The following XRRA1 variants were observed in gnomAD, a reference collection of about 807,000 sequenced individuals.
XRRA1 encodes X-ray radiation resistance associated 1, also known as X-ray radiation resistance-associated protein 1.
XRRA1 carries 69 observed loss-of-function variants against 80.2 expected under a neutral mutation model. That is an observed-to-expected ratio of 0.86 (90% CI 0.71 to 1.05). The LOEUF (loss-of-function observed/expected upper bound fraction) is 1.05. XRRA1 is among the 50% of genes least tolerant of loss of function. The pLI, the probability that XRRA1 is intolerant of heterozygous loss-of-function variation, is 0.00. For synonymous variants in XRRA1, 348 were observed against 389.9 expected (o/e 0.89, Z 1.27); for missense variants, 967 against 976.4 (o/e 0.99, Z 0.13).
intron 8 of XRRA1, among the ~76,000 whole-genome samples, chr11:74,920,422 T>C (rs903606113): frequency 6.6e-6 from 1 of 152,212 alleles, no homozygotes; most frequent in African/African-American, 2.4e-5. Context: ...CACAATAGAA[T>C]GTGCTAAGTA....
intron 10 of XRRA1, among the ~76,000 whole-genome samples, chr11:74,881,065 T>TA (rs2047438312): frequency 6.8e-6 from 1 of 146,186 alleles, no homozygotes; most frequent in Admixed American, 6.9e-5. Flanking sequence ...AGTGGGGTGT[T>TA]AAAGTCTCCC....
intron 10 of XRRA1, among the ~76,000 whole-genome samples, chr11:74,882,657 T>G (rs2047949224): frequency 6.6e-6 from 1 of 152,110 alleles, no homozygotes; most frequent in African/African-American, 2.4e-5. Context: ...ACTTTTGGTC[T>G]TTGATGATGG....
intron 7 of XRRA1, among the ~76,000 whole-genome samples, chr11:74,926,462 G>C (rs774286849): frequency 6.6e-6 from 1 of 152,150 alleles, no homozygotes; most frequent in East Asian, 1.9e-4. Context: ...ACATTTTACT[G>C]AAATTTGACT....
At chr11:74,844,414 A>AG in intron 16 of XRRA1, 131 bp from the exon 17 acceptor site, 1 of 669,176 alleles carries the variant, frequency 1.5e-6, no homozygotes. Context: ...AAAAGAAAAC[A>AG]CTGCCCCCAG....
intron 10 of XRRA1, among the ~76,000 whole-genome samples, chr11:74,873,163 T>C (rs560769735): frequency 6.6e-6 from 1 of 152,326 alleles, no homozygotes; most frequent in South Asian, 2.1e-4. Flanking sequence ...CTGCTTTTCT[T>C]AACCAGAGAC....
intron 8 of XRRA1, among the ~76,000 whole-genome samples, chr11:74,908,505 ACC>A (rs1418221993): frequency 6.6e-6 from 1 of 152,232 alleles, no homozygotes; most frequent in Non-Finnish European, 1.5e-5. Flanking sequence ...AGTAATGTAT[ACC>A]TGAAGTCAGG....
intron 1 of XRRA1, among the ~76,000 whole-genome samples, chr11:74,947,049 C>G (rs990966294): frequency 6.6e-6 from 1 of 151,906 alleles, no homozygotes; most frequent in Admixed American, 6.6e-5. Flanking sequence ...GTACTTATCT[C>G]TTTATCCTGC....
At chr11:74,860,713 C>G (rs919543807) in intron 11 of XRRA1, among the ~76,000 whole-genome samples, 1 of 152,222 alleles carries the variant, frequency 6.6e-6, no homozygotes, top group Non-Finnish European at 1.5e-5. Flanking sequence ...CCTTGCTGCT[C>G]CTCCCATTCA....
At chr11:74,879,473 T>C (rs886296395) in intron 10 of XRRA1, among the ~76,000 whole-genome samples, 29 of 152,164 alleles carry the variant, frequency 1.9e-4, no homozygotes, top group African/African-American at 5.3e-4. Flanking sequence ...TCCTGCCTAA[T>C]TGCCCTGGCC....
intron 1 of XRRA1, among the ~76,000 whole-genome samples, chr11:74,947,949 T>C (rs1248513255): frequency 6.6e-6 from 1 of 152,060 alleles, no homozygotes; most frequent in Non-Finnish European, 1.5e-5. Flanking sequence ...GGTCTTTAAC[T>C]CCTGACCTCA....
chr11:74,877,491 T>C (rs2046321811), intron 10 of XRRA1, among the ~76,000 whole-genome samples: 2 of 152,130 alleles, frequency 1.3e-5, no homozygotes, highest in South Asian at 4.1e-4. Context: ...CTTTAAGTTT[T>C]AGGGTACATG....
chr11:74,867,984 C>A (rs112128750), intron 10 of XRRA1, among the ~76,000 whole-genome samples: 1 of 132,156 alleles, frequency 7.6e-6, no homozygotes, highest in Non-Finnish European at 1.5e-5. Flanking sequence ...TACAATGGTG[C>A]GATCTTGGTT....
intron 10 of XRRA1, among the ~76,000 whole-genome samples, chr11:74,885,494 A>G (rs533373622): frequency 4.6e-5 from 7 of 152,226 alleles, no homozygotes; most frequent in Non-Finnish European, 8.8e-5. Context: ...CCATGGACAC[A>G]TACAACCACC....
rs561865046 is a variant in XRRA1 at position 74,842,443 on chromosome 11, T to C, written c.*757A>G. 3 of 152,372 alleles carry C rather than the reference T, an allele frequency of 2.0e-5. No individual in the cohort carries two copies. Among genetic ancestry groups the C allele is most frequent in the East Asian group, 3.9e-4 (2 of 5,190 alleles). The allele number at this position is 152,372 out of a possible 1,614,324, so 9.4% of individuals were successfully genotyped here. A position where few individuals can be genotyped will look rare whatever the true frequency, so the allele number is the denominator to read the frequency against. On this transcript the variant is annotated 3_prime_UTR_variant, in exon 19 of 19. Coordinates refer to ENST00000684022, the MANE Select transcript of XRRA1 (RefSeq NM_001378157.1). ...CTGTTTATAGTCAGAGTCTTGTCTC[T>C]GGTGAACAATCTCAGACAAAAACAT...
intron 5 of XRRA1, among the ~76,000 whole-genome samples, chr11:74,931,131 C>CGTGTGTGT (rs61614618): frequency 0.32 from 48,446 of 149,260 alleles, 8,519 homozygotes; most frequent in Non-Finnish European, 0.41. Context: ...TATGCTTATA[C>CGTGTGTGT]GTGTGTGTGT....
chr11:74,939,705 T>G lies in XRRA1; in HGVS notation c.94+1080A>C, dbSNP rs149080667. Among the ~76,000 whole-genome samples, 1,384 of 152,368 alleles carry G rather than the reference T, an allele frequency of 9.1e-3. 27 individuals are homozygous for G. Among genetic ancestry groups the G allele is most frequent in the African/African-American group, 0.031 (1,307 of 41,580 alleles). The stretch of plus-strand genomic sequence containing the variant: ...GAAAGCAAGATGTAGATACTAGGTA[T>G]GCTTTTTGCTGCTGAGGTGTCATTG... On this transcript the variant is annotated intron_variant, in intron 3 of 18. Transcript: ENST00000684022.
chr11:74,937,896 G>C (rs774661195), intron 3 of XRRA1, among the ~76,000 whole-genome samples: 2 of 152,154 alleles, frequency 1.3e-5, no homozygotes, highest in Non-Finnish European at 2.9e-5. Context: ...GGCCTGCACA[G>C]AGCTCACCGC....
chr11:74,856,302 GATATA>G (rs1175312114), intron 12 of XRRA1, among the ~76,000 whole-genome samples: 1 of 152,146 alleles, frequency 6.6e-6, no homozygotes, highest in African/African-American at 2.4e-5. Context: ...TAGACAAAAA[GATATA>G]ATATGTTAGG....
chr11:74,944,646 T>A (rs1440982779), intron 2 of XRRA1, among the ~76,000 whole-genome samples: 1 of 152,238 alleles, frequency 6.6e-6, no homozygotes, highest in Non-Finnish European at 1.5e-5. Context: ...GACTTTATTA[T>A]AATTGTTTGC....
Sources: allele counts gnomAD v4.1 joint callset (sites outside exome capture counted in the v4.1 genomes callset), GRCh38; gene constraint gnomAD v4.1.1; transcripts MANE v1.5; gene names NCBI Gene and HGNC (gene_info 2026-07-23, HGNC 2026-07-21).